Variants in ARHGAP24 observed in about 807,000 individuals in gnomAD.
ARHGAP24 encodes rho GTPase-activating protein 24.
ARHGAP24 carries 50 observed loss-of-function variants against 76.4 expected under a neutral mutation model. The observed-to-expected ratio is 0.65, with a 90% CI of 0.52 to 0.83. ARHGAP24 has a LOEUF of 0.83. Ranked by LOEUF, ARHGAP24 falls within the 40% of genes least tolerant of loss-of-function variation. The pLI, the probability that ARHGAP24 is intolerant of heterozygous loss-of-function variation, is 0.00. For missense variants in ARHGAP24, 930 were observed against 914.2 expected (o/e 1.02, Z -0.22); for synonymous variants, 345 against 323.3 (o/e 1.07, Z -0.72).
At chr4:85,636,984 C>T (rs1431019768) in intron 2 of ARHGAP24, among the ~76,000 whole-genome samples, 1 of 151,988 alleles carries the variant, frequency 6.6e-6, no homozygotes, top group African/African-American at 2.4e-5. Context: ...CTTAGAATGT[C>T]CCCCAAAGTG....
intron 2 of ARHGAP24, among the ~76,000 whole-genome samples, chr4:85,586,899 A>AAAAT (rs1380592072): frequency 1.8e-4 from 28 of 152,160 alleles, no homozygotes; most frequent in Non-Finnish European, 2.8e-4. Flanking sequence ...CTCCCTCTCA[A>AAAAT]AAATAAATAA....
chr4:85,612,118 A>G (rs932563978), intron 2 of ARHGAP24, among the ~76,000 whole-genome samples: 1 of 135,536 alleles, frequency 7.4e-6, no homozygotes, highest in Non-Finnish European at 1.7e-5. Context: ...ACACACACAC[A>G]CACAGACCAG....
chr4:85,793,220 G>C (rs1170053375), intron 3 of ARHGAP24, among the ~76,000 whole-genome samples: 2 of 152,122 alleles, frequency 1.3e-5, no homozygotes, highest in African/African-American at 4.8e-5. Context: ...GCACATATTT[G>C]AGTCTGAAGT....
chr4:86,000,358 T>C (rs947496909), intron 9 of ARHGAP24, 121 bp from the exon 10 acceptor site: 2 of 812,864 alleles, frequency 2.5e-6, no homozygotes, highest in Non-Finnish European at 4.1e-6. Context: ...TATTCCAATT[T>C]CCTAAGCATC....
chr4:85,862,200 G>A (rs964851591), intron 3 of ARHGAP24, among the ~76,000 whole-genome samples: 16 of 151,984 alleles, frequency 1.1e-4, no homozygotes, highest in African/African-American at 3.9e-4. Flanking sequence ...TTTTAATTAA[G>A]CAATGAATGA....
intron 3 of ARHGAP24, among the ~76,000 whole-genome samples, chr4:85,737,956 G>A (rs1022861413): frequency 6.6e-6 from 1 of 152,018 alleles, no homozygotes; most frequent in African/African-American, 2.4e-5. Flanking sequence ...AGTGTGCTTG[G>A]TTTATGTAGG....
At chr4:85,610,895 G>C (rs1354837535) in intron 2 of ARHGAP24, among the ~76,000 whole-genome samples, 1 of 152,074 alleles carries the variant, frequency 6.6e-6, no homozygotes, top group Non-Finnish European at 1.5e-5. Context: ...GAGGCTCTTG[G>C]TGTGGTTTTC....
At chr4:85,825,552 G>A (rs1419918616) in intron 3 of ARHGAP24, among the ~76,000 whole-genome samples, 1 of 152,154 alleles carries the variant, frequency 6.6e-6, no homozygotes, top group Non-Finnish European at 1.5e-5. Flanking sequence ...TGCATTATGT[G>A]TATGTTACAA....
chr4:85,577,104 A>G (rs2086916926), intron 2 of ARHGAP24, among the ~76,000 whole-genome samples: 1 of 151,376 alleles, frequency 6.6e-6, no homozygotes, highest in African/African-American at 2.4e-5. Flanking sequence ...ATTGTTTAAG[A>G]TATTAATACT....
intron 3 of ARHGAP24, among the ~76,000 whole-genome samples, chr4:85,745,605 C>A (rs199785714): frequency 1.5e-5 from 2 of 134,432 alleles, no homozygotes; most frequent in African/African-American, 5.5e-5. Flanking sequence ...AAAAAAAAAA[C>A]TATAAGAAAA....
chr4:85,727,446 G>C (rs1176307427), intron 3 of ARHGAP24, among the ~76,000 whole-genome samples: 1 of 151,934 alleles, frequency 6.6e-6, no homozygotes, highest in Non-Finnish European at 1.5e-5. Context: ...CAGTTCTTTT[G>C]AAAGCATGTT....
chr4:85,703,214 C>T (rs1021636546), intron 2 of ARHGAP24, among the ~76,000 whole-genome samples: 4 of 152,188 alleles, frequency 2.6e-5, no homozygotes, highest in South Asian at 4.1e-4. Flanking sequence ...AATTCATTCA[C>T]GTGTTTTTTA....
intron 2 of ARHGAP24, among the ~76,000 whole-genome samples, chr4:85,580,141 G>C (rs1034516978): frequency 6.8e-6 from 1 of 146,578 alleles, no homozygotes; most frequent in Non-Finnish European, 1.5e-5. Flanking sequence ...TGTGGTGGGG[G>C]GGGAGGGTGA....
At chr4:85,933,905 C>T (rs201007471) in intron 4 of ARHGAP24, among the ~76,000 whole-genome samples, 1 of 152,186 alleles carries the variant, frequency 6.6e-6, no homozygotes, top group East Asian at 1.9e-4. Context: ...TCCTCAGTGG[C>T]TTTTCCTACA....
chr4:85,555,124 C>A (rs1031573236), intron 1 of ARHGAP24, among the ~76,000 whole-genome samples: 1 of 152,142 alleles, frequency 6.6e-6, no homozygotes, highest in African/African-American at 2.4e-5. Flanking sequence ...GTATTTCTTT[C>A]ATTTCAGTCT....
At chr4:85,733,476 GCACTGTTTTT>G (rs1725494842) in intron 3 of ARHGAP24, among the ~76,000 whole-genome samples, 1 of 152,130 alleles carries the variant, frequency 6.6e-6, no homozygotes, top group Non-Finnish European at 1.5e-5. Context: ...TGCTTGATTA[GCACTGTTTTT>G]AAAATAACAT....
At chr4:85,907,936 C>T (rs551937184) in intron 3 of ARHGAP24, among the ~76,000 whole-genome samples, 10 of 151,852 alleles carry the variant, frequency 6.6e-5, no homozygotes, top group East Asian at 1.9e-4. Context: ...AAATAAGGCT[C>T]GGAAAAAAGG....
chr4:85,901,172 A>G (rs1245138198), intron 3 of ARHGAP24, among the ~76,000 whole-genome samples: 2 of 152,176 alleles, frequency 1.3e-5, no homozygotes, highest in East Asian at 3.8e-4. Flanking sequence ...CTTCACTCAT[A>G]CTTTCTATTC....
chr4:85,589,044 T>A (rs113591721), intron 2 of ARHGAP24, among the ~76,000 whole-genome samples: 1 of 152,206 alleles, frequency 6.6e-6, no homozygotes, highest in Non-Finnish European at 1.5e-5. Flanking sequence ...ATAAATTGCA[T>A]TGGGCCTCAG....
Sources: gnomAD v4.1 joint callset for allele counts (sites outside exome capture counted in the v4.1 genomes callset) on GRCh38, gnomAD v4.1.1 for gene constraint, MANE v1.5 for transcripts, NCBI Gene and HGNC (gene_info 2026-07-23, HGNC 2026-07-21) for gene names.